The following BACH2 variants were observed in gnomAD, a reference collection of about 807,000 sequenced individuals.
BACH2 encodes BACH transcriptional regulator 2, also known as transcription regulator protein BACH2.
In BACH2, 5 loss-of-function variants were observed where a neutral mutation model predicts 61.8. That is an observed-to-expected ratio of 0.08 (90% CI 0.04 to 0.17). BACH2 has a LOEUF of 0.17. BACH2 is among the 10% of genes least tolerant of loss of function. BACH2 has a pLI of 1.00. For synonymous variants in BACH2, 446 were observed against 440.1 expected (o/e 1.01, Z -0.17); for missense variants, 824 against 1,091.1 (o/e 0.76, Z 3.45).
intron 4 of BACH2, among the ~76,000 whole-genome samples, chr6:90,129,009 C>G (rs1287958265): frequency 6.6e-6 from 1 of 151,614 alleles, no homozygotes; most frequent in South Asian, 2.1e-4. Flanking sequence ...GGGAATTGAA[C>G]AATGAGAACA....
intron 6 of BACH2, among the ~76,000 whole-genome samples, chr6:89,969,955 G>A (rs1775269442): frequency 6.6e-6 from 1 of 152,166 alleles, no homozygotes; most frequent in Non-Finnish European, 1.5e-5. Context: ...TAGATGGTGG[G>A]GGTTGGGGGA....
At chr6:90,143,105 TCAGA>T (rs1308879832) in intron 4 of BACH2, among the ~76,000 whole-genome samples, 1 of 152,158 alleles carries the variant, frequency 6.6e-6, no homozygotes, top group Non-Finnish European at 1.5e-5. Flanking sequence ...GTTTCCAGCC[TCAGA>T]CAGGGTCTGG....
At chr6:90,119,966 G>A (rs561950675) in intron 4 of BACH2, among the ~76,000 whole-genome samples, 3 of 152,340 alleles carry the variant, frequency 2.0e-5, no homozygotes, top group East Asian at 3.9e-4. Context: ...AGCCAGCAAA[G>A]GACTAGGAGA....
chr6:90,248,411 T>C (rs570064575), intron 3 of BACH2, among the ~76,000 whole-genome samples: 2 of 152,272 alleles, frequency 1.3e-5, no homozygotes, highest in African/African-American at 4.8e-5. Flanking sequence ...TGATCCCTAA[T>C]GGGCTCATAG....
chr6:90,225,515 G>A (rs970705658), intron 3 of BACH2, among the ~76,000 whole-genome samples: 1 of 152,126 alleles, frequency 6.6e-6, no homozygotes, highest in Non-Finnish European at 1.5e-5. Flanking sequence ...AAAAAATTGG[G>A]AGTCAGGCAA....
At chr6:90,133,615 T>C (rs970139988) in intron 4 of BACH2, among the ~76,000 whole-genome samples, 2 of 152,218 alleles carry the variant, frequency 1.3e-5, no homozygotes, top group African/African-American at 4.8e-5. Flanking sequence ...TATGTATACA[T>C]GTGCCATGTT....
chr6:90,065,346 G>T (rs1040154043), intron 5 of BACH2, among the ~76,000 whole-genome samples: 10 of 141,936 alleles, frequency 7.0e-5, no homozygotes, highest in Non-Finnish European at 1.0e-4. Context: ...CCTCCTGGAG[G>T]ATGAGAGAAC....
chr6:89,940,113 C>T (rs375577917), intron 7 of BACH2, among the ~76,000 whole-genome samples: 81 of 152,200 alleles, frequency 5.3e-4, no homozygotes, highest in African/African-American at 1.8e-3. Flanking sequence ...CTGGTTCAAG[C>T]GATTCTCCTG....
At chr6:90,047,031 A>G (rs913805243) in intron 5 of BACH2, among the ~76,000 whole-genome samples, 1 of 152,096 alleles carries the variant, frequency 6.6e-6, no homozygotes, top group African/African-American at 2.4e-5. Flanking sequence ...TCCGGGTTCA[A>G]GCGATTCTCC....
At chr6:90,230,664 T>C (rs1054687352) in intron 3 of BACH2, among the ~76,000 whole-genome samples, 2 of 152,194 alleles carry the variant, frequency 1.3e-5, no homozygotes, top group African/African-American at 4.8e-5. Flanking sequence ...GAACGGTACT[T>C]CTACTGCAAA....
In BACH2 at chr6:90,282,057, C is replaced by T. The variant is rs77854436; in HGVS notation, c.-445-10116G>A. Among the ~76,000 whole-genome samples the T allele has an allele frequency of 9.2e-3, 1,400 of 152,172 alleles. 19 individuals are homozygous for T. The highest frequency in any genetic ancestry group is 0.031 in the African/African-American group (1,306 of 41,526). ...ATAGTATCACAGTGTATAAATACCT[C>T]ACAGCAAAATGTGCTGATTCGATTC... is the stretch of plus-strand genomic sequence containing the variant. On this transcript the variant is annotated intron_variant, in intron 1 of 8. Coordinates refer to ENST00000257749, the MANE Select transcript of BACH2 (RefSeq NM_021813.4).
chr6:90,256,409 C>A (rs920703905), intron 2 of BACH2, among the ~76,000 whole-genome samples: 34 of 152,194 alleles, frequency 2.2e-4, no homozygotes, highest in African/African-American at 8.0e-4. Flanking sequence ...TTTTCCCCCT[C>A]TCTTGATGTG....
intron 3 of BACH2, among the ~76,000 whole-genome samples, chr6:90,216,086 T>C (rs1418212972): frequency 2.0e-5 from 3 of 152,204 alleles, no homozygotes; most frequent in Non-Finnish European, 4.4e-5. Flanking sequence ...CAGGGAGGTC[T>C]GCAGGGAGTC....
intron 4 of BACH2, among the ~76,000 whole-genome samples, chr6:90,203,798 T>C (rs758268667): frequency 6.6e-6 from 1 of 152,146 alleles, no homozygotes; most frequent in African/African-American, 2.4e-5. Context: ...CCTCTGCTTC[T>C]CTTTTTAGCT....
At chr6:90,263,282 CAT>C (rs1216918047) in intron 2 of BACH2, among the ~76,000 whole-genome samples, 2 of 152,080 alleles carry the variant, frequency 1.3e-5, no homozygotes, top group African/African-American at 2.4e-5. Context: ...AAAGGAAACA[CAT>C]AGTTTCTCAT....
intron 5 of BACH2, among the ~76,000 whole-genome samples, chr6:90,045,143 G>A (rs1327763958): frequency 6.6e-6 from 1 of 152,154 alleles, no homozygotes; most frequent in African/African-American, 2.4e-5. Flanking sequence ...AATAAACACA[G>A]GGATGAAAGG....
intron 6 of BACH2, among the ~76,000 whole-genome samples, chr6:89,962,651 T>C (rs1184183121): frequency 4.6e-5 from 7 of 152,218 alleles, no homozygotes; most frequent in African/African-American, 1.4e-4. Flanking sequence ...AACTTTGTTT[T>C]GGACACTTCT....
intron 2 of BACH2, among the ~76,000 whole-genome samples, chr6:90,261,388 T>A (rs1771152259): frequency 6.6e-6 from 1 of 152,198 alleles, no homozygotes; most frequent in Non-Finnish European, 1.5e-5. Context: ...ATTAAAAAAA[T>A]GTTCCTTGAC....
intron 5 of BACH2, among the ~76,000 whole-genome samples, chr6:90,078,443 T>A (rs9362718): frequency 0.37 from 56,271 of 151,960 alleles, 11,850 homozygotes; most frequent in East Asian, 0.82. Context: ...AATCCCCCAG[T>A]TGGCATTAGT....
Sources: gnomAD v4.1 joint callset for allele counts (sites outside exome capture counted in the v4.1 genomes callset) on GRCh38, gnomAD v4.1.1 for gene constraint, MANE v1.5 for transcripts, NCBI Gene and HGNC (gene_info 2026-07-23, HGNC 2026-07-21) for gene names.